ARID2: variants seen among roughly 807,000 people sequenced by gnomAD.
ARID2 encodes the protein AT-rich interaction domain 2.
A neutral mutation model predicts 184.6 loss-of-function variants in ARID2; 32 were observed. That is an observed-to-expected ratio of 0.17 (90% confidence interval 0.13 to 0.23). The LOEUF (loss-of-function observed/expected upper bound fraction) is 0.23. Ranked by LOEUF, ARID2 falls within the 10% of genes least tolerant of loss-of-function variation. The pLI is 1.00. For missense variants in ARID2, 1,696 were observed against 2,197.6 expected (o/e 0.77, Z 4.56); for synonymous variants, 836 against 772.6 (o/e 1.08, Z -1.36).
chr12:45,839,629 G>A, intron 11 of ARID2, 133 bp downstream of exon 11: 1 of 995,888 alleles, frequency 1.0e-6, no homozygotes, highest in Non-Finnish European at 1.4e-6. Context: ...ATTTGGATAT[G>A]TACTCTAATT....
chr12:45,881,292 G>T (rs1592138813), intron 16 of ARID2: 1 of 159,374 alleles, frequency 6.3e-6, no homozygotes, highest in South Asian at 1.9e-4. Context: ...AGATCAGTCT[G>T]TTGCAAGGCC....
rs2138178604 is a variant in ARID2 at position 45,852,412 on chromosome 12, G to C, written c.4289G>C (p.Ser1430Thr). ...VLTLGGSSVS[S>T]IQEASNAATQ... ...ACTTTGGGTGGTTCATCTGTGAGCA[G>C]TATACAGGAGGCTTCAAATGCGGCA... The change falls in exon 15 of 21, where the codon AGT (serine) becomes ACT (threonine). Residue 1430 changes from serine to threonine, a missense_variant. Physicochemically the swap from Ser to Thr is moderately conservative, Grantham distance 58 (BLOSUM62 1). This residue lies in a region of ARID2 where 428 missense variants were observed against 409.1 expected (regional missense o/e 1.05). Transcript: ENST00000334344. 1 of 1,614,170 alleles carries C rather than the reference G, an allele frequency of 6.2e-7. No homozygotes were observed. Among genetic ancestry groups the C allele is most frequent in the Non-Finnish European group, 8.5e-7 (1 of 1,180,008 alleles).
chr12:45,836,502 C>T, intron 6 of ARID2, 87 bp from the exon 7 acceptor site: 1 of 1,246,328 alleles, frequency 8.0e-7, no homozygotes, highest in Non-Finnish European at 1.1e-6. Context: ...AGGCATGAGC[C>T]ACCATACCTA....
intron 3 of ARID2, among the ~76,000 whole-genome samples, chr12:45,731,731 A>ATT (rs969947198): frequency 1.4e-5 from 2 of 146,926 alleles, no homozygotes; most frequent in Admixed American, 6.8e-5. Context: ...GGCTTTAAGA[A>ATT]TTTTTTTTTT....
chr12:45,817,964 T>A (rs1374961291), intron 5 of ARID2, 76 bp downstream of exon 5: 1 of 1,131,820 alleles, frequency 8.8e-7, no homozygotes, highest in Non-Finnish European at 1.2e-6. Context: ...GAGAAAGTAC[T>A]TTTTGTTTGT....
chr12:45,896,532 C>G (rs1231108605), intron 20 of ARID2, among the ~76,000 whole-genome samples: 1 of 152,174 alleles, frequency 6.6e-6, no homozygotes, highest in East Asian at 1.9e-4. Context: ...CCTGCAAAAG[C>G]TCTCTTGTTT....
intron 16 of ARID2, among the ~76,000 whole-genome samples, chr12:45,867,352 A>C: frequency 1.3e-5 from 2 of 152,026 alleles, no homozygotes; most frequent in Non-Finnish European, 2.9e-5. Flanking sequence ...TCCTGAGCTC[A>C]AGTGATCCCT....
chr12:45,764,913 GA>G (rs1225586499), intron 3 of ARID2, among the ~76,000 whole-genome samples: 1 of 152,160 alleles, frequency 6.6e-6, no homozygotes, highest in African/African-American at 2.4e-5. Context: ...GATCTCATAA[GA>G]AACTGCTAAA....
At chr12:45,741,153 A>G (rs1194605707) in intron 3 of ARID2, among the ~76,000 whole-genome samples, 1 of 152,200 alleles carries the variant, frequency 6.6e-6, no homozygotes, top group Non-Finnish European at 1.5e-5. Flanking sequence ...TGATACAAGC[A>G]TTTTATGATG....
chr12:45,738,769 A>G (rs1478561360), intron 3 of ARID2, among the ~76,000 whole-genome samples: 1 of 118,444 alleles, frequency 8.4e-6, no homozygotes, highest in African/African-American at 3.4e-5. Flanking sequence ...TTCCTGGGGC[A>G]TATGGGCTAC....
intron 11 of ARID2, among the ~76,000 whole-genome samples, chr12:45,844,654 T>C (rs1817212288): frequency 6.6e-6 from 1 of 152,194 alleles, no homozygotes; most frequent in Admixed American, 6.5e-5. Flanking sequence ...GTAGCTAGCG[T>C]TTATATAGTG....
In ARID2 at chr12:45,842,379, AACAC is replaced by A. The variant is rs920075305; in HGVS notation, c.1498+2887_1498+2890del. On this transcript the variant is annotated intron_variant, in intron 11 of 20. Transcript: ENST00000334344. ...TGTATATATACACACACATATATAA[AACAC>A]ACATACATATATTTTATCATTACAG... 7 of 151,926 alleles carry A rather than the reference AACAC, an allele frequency of 4.6e-5. No individual in the cohort carries two copies. The East Asian group carries it at 7.7e-4, about 17-fold the overall frequency. The allele number at this position is 151,926 out of a possible 1,614,324, so 9.4% of individuals were successfully genotyped here.
rs778151100 is a variant in ARID2 at position 45,852,402 on chromosome 12, T to C, written c.4279T>C (p.Ser1427Pro). 6.2e-7 allele frequency: 1 copy of C among 1,614,186 alleles called. No homozygotes were observed. Among genetic ancestry groups the C allele is most frequent in the Non-Finnish European group, 8.5e-7 (1 of 1,180,026 alleles). Residue 1427 changes from serine to proline, a missense_variant, in exon 15 of 21, where the codon TCT becomes CCT. Ser to Pro is a moderately conservative substitution (Grantham distance 74). Transcript: ENST00000334344. ...ACCTGTATTAACTTTGGGTGGTTCA[T>C]CTGTGAGCAGTATACAGGAGGCTTC... ...NGPVLTLGGS[S>P]VSSIQEASNA...
chr12:45,801,092 C>A (rs1195474441), intron 3 of ARID2, among the ~76,000 whole-genome samples: 1 of 152,104 alleles, frequency 6.6e-6, no homozygotes, highest in Admixed American at 6.5e-5. Context: ...GTGGGCGGAT[C>A]ACGAGGTCAG....
intron 3 of ARID2, among the ~76,000 whole-genome samples, chr12:45,795,491 G>A (rs1478116381): frequency 6.6e-6 from 1 of 151,920 alleles, no homozygotes; most frequent in African/African-American, 2.4e-5. Flanking sequence ...GAGTGCAGTG[G>A]TGCGATCTCG....
At chr12:45,878,900 T>G (rs1383028702) in intron 16 of ARID2, among the ~76,000 whole-genome samples, 6 of 152,178 alleles carry the variant, frequency 3.9e-5, no homozygotes, top group Admixed American at 3.3e-4. Flanking sequence ...TGGTTAGAAT[T>G]TAGGCTATGT....
In ARID2 at chr12:45,729,992, G is replaced by T. The variant is rs947579639; in HGVS notation, c.93-52G>T. On this transcript the variant is annotated intron_variant, in intron 1 of 20. Transcript: ENST00000334344. ...GGGGCGAACGGGGCTCTCCCGCCCGGGCCGGGCACGGGGTCCCGGCTGACA... is the reference window on the plus strand; with the variant it reads ...GGGGCGAACGGGGCTCTCCCGCCCGTGCCGGGCACGGGGTCCCGGCTGACA... 5.0e-6 allele frequency: 8 copies of T among 1,607,114 alleles called. No homozygotes were observed. The African/African-American group carries it at 1.1e-4, about 22-fold the overall frequency.
At chr12:45,854,701 T>C (rs1358545621) in intron 15 of ARID2, among the ~76,000 whole-genome samples, 1 of 152,224 alleles carries the variant, frequency 6.6e-6, no homozygotes, top group African/African-American at 2.4e-5. Flanking sequence ...TCTCCATCAT[T>C]ATGGAATTGT....
chr12:45,821,259 A>G (rs990271346), intron 5 of ARID2, among the ~76,000 whole-genome samples, 161 bp from the exon 6 acceptor site: 6 of 152,152 alleles, frequency 3.9e-5, no homozygotes, highest in African/African-American at 1.4e-4. Context: ...AATGTATTTC[A>G]AAAGAAATTA....
Sources: allele counts gnomAD v4.1 joint callset (sites outside exome capture counted in the v4.1 genomes callset), GRCh38; gene constraint gnomAD v4.1.1; regional missense constraint gnomAD v4.1.1; transcripts MANE v1.5; gene names NCBI Gene and HGNC (gene_info 2026-07-23, HGNC 2026-07-21).